Variants in TBCD observed in about 807,000 individuals in gnomAD.
TBCD encodes the protein tubulin folding cofactor D, also known as tubulin-specific chaperone D.
Under a neutral mutation model 169.3 loss-of-function variants are expected in TBCD, and 105 were observed. That is an observed-to-expected ratio of 0.62 (90% confidence interval 0.53 to 0.73). The LOEUF (loss-of-function observed/expected upper bound fraction) is 0.73, where lower values mean the gene tolerates loss of function less well. TBCD is among the 30% of genes least tolerant of loss of function. The pLI, the probability that TBCD is intolerant of heterozygous loss-of-function variation, is 0.00. For synonymous variants in TBCD, 700 were observed against 643.9 expected (o/e 1.09, Z -1.32); for missense variants, 1,444 against 1,600.1 (o/e 0.90, Z 1.66).
chr17:82,753,025 C>T (rs963703091), intron 1 of TBCD, among the ~76,000 whole-genome samples: 1 of 152,202 alleles, frequency 6.6e-6, no homozygotes, highest in Non-Finnish European at 1.5e-5. Flanking sequence ...TCTCCGAGTT[C>T]AGACCCACCT....
intron 38 of TBCD, chr17:82,941,976 T>C (rs2063335362): frequency 8.6e-6 from 2 of 233,512 alleles, no homozygotes; most frequent in South Asian, 7.4e-5. Flanking sequence ...TCTCTCTAGT[T>C]ACCAGGGTTG....
At chr17:82,910,395 T>C (rs997622757) in intron 22 of TBCD, among the ~76,000 whole-genome samples, 6 of 152,220 alleles carry the variant, frequency 3.9e-5, no homozygotes, top group Non-Finnish European at 5.9e-5. Flanking sequence ...CCTGGGTCTT[T>C]CGTGAAGTTT....
chr17:82,819,255 T>C (rs1025256813), intron 13 of TBCD, among the ~76,000 whole-genome samples: 1 of 152,214 alleles, frequency 6.6e-6, no homozygotes, highest in African/African-American at 2.4e-5. Context: ...GATGTTTGCC[T>C]GGAAGGCACC....
chr17:82,774,187 G>C (rs2144139027), intron 6 of TBCD, among the ~76,000 whole-genome samples: 2 of 152,268 alleles, frequency 1.3e-5, no homozygotes, highest in Middle Eastern at 6.8e-3. Flanking sequence ...CCTAGGCAGA[G>C]GACCCTGCGG....
At chr17:82,933,073 C>T (rs578153210) in intron 34 of TBCD, among the ~76,000 whole-genome samples, 3 of 152,008 alleles carry the variant, frequency 2.0e-5, no homozygotes, top group Non-Finnish European at 4.4e-5. Context: ...GAAGGGGCCT[C>T]GGCTGTACGG....
In TBCD at chr17:82,884,728, CT is replaced by C. The variant is rs146589394; in HGVS notation, c.1533+527del. 1,363 of 178,040 alleles carry C rather than the reference CT, an allele frequency of 7.7e-3. 15 individuals are homozygous for C. The highest frequency in any genetic ancestry group is 0.031 in the African/African-American group (1,316 of 42,884). 11.0% of individuals were successfully genotyped at this position (178,040 alleles called of 1,614,324 possible). A position where few individuals can be genotyped will look rare whatever the true frequency, so the allele number is the denominator to read the frequency against. On this transcript the variant is annotated intron_variant, in intron 15 of 38. Transcript: ENST00000355528. The surrounding 1 kb of genome is among the most constrained non-coding windows in gnomAD (Gnocchi z 4.2). ...TGGCTGGTTTCCTCTAGAGAGAGCC[CT>C]GTGACGTTTGGGGTGAATTCTGGGT...
Position 82,864,998 on chromosome 17 carries a change from G to A in TBCD, c.1319-5226G>A, listed in dbSNP as rs1203724365. On this transcript the variant is annotated intron_variant, in intron 13 of 38. Coordinates refer to ENST00000355528, the MANE Select transcript of TBCD (RefSeq NM_005993.5). The surrounding 1 kb of genome is among the most constrained non-coding windows in gnomAD (Gnocchi z 6.3). ...GTCTGTGCTTGCCCCACTGTGCAGC[G>A]TTGCAGGTGCAGCAGACATGAGGCC... Among the ~76,000 whole-genome samples the A allele has an allele frequency of 6.6e-6, 1 of 152,198 alleles. No individual in the cohort carries two copies. Among genetic ancestry groups the A allele is most frequent in the Non-Finnish European group, 1.5e-5 (1 of 68,030 alleles).
chr17:82,912,021 G>A (rs541498135), intron 23 of TBCD, among the ~76,000 whole-genome samples: 1 of 152,192 alleles, frequency 6.6e-6, no homozygotes, highest in Non-Finnish European at 1.5e-5. Context: ...GAGCTGGGAG[G>A]GGTTGCACCC....
At chr17:82,840,755 A>AC (rs150514287) in intron 13 of TBCD, among the ~76,000 whole-genome samples, 6,158 of 150,814 alleles carry the variant, frequency 0.041, 257 homozygotes, top group African/African-American at 0.1. Context: ...TTACCTCCAC[A>AC]CCCCCCCACC....
intron 15 of TBCD, among the ~76,000 whole-genome samples, chr17:82,887,348 G>A (rs999912209): frequency 2.0e-5 from 3 of 152,116 alleles, no homozygotes; most frequent in South Asian, 2.1e-4. Flanking sequence ...GCCACCGGTC[G>A]GCTCTCCGTT....
At chr17:82,764,156 T>C (rs1038872653) in intron 3 of TBCD, 94 bp downstream of exon 3, 1 of 997,348 alleles carries the variant, frequency 1.0e-6, no homozygotes. Flanking sequence ...TCAAGAAAGA[T>C]AGTTCTTAGA....
chr17:82,796,987 T>C (rs1450995537), intron 7 of TBCD, among the ~76,000 whole-genome samples: 2 of 152,218 alleles, frequency 1.3e-5, no homozygotes, highest in Non-Finnish European at 2.9e-5. Context: ...ACAGATGCAG[T>C]TCTCACCTTG....
At chr17:82,822,473 A>C (rs2052494361) in intron 13 of TBCD, among the ~76,000 whole-genome samples, 1 of 152,200 alleles carries the variant, frequency 6.6e-6, no homozygotes, top group African/African-American at 2.4e-5. Context: ...GCAGCATCTC[A>C]AAGAGGAACG....
intron 7 of TBCD, among the ~76,000 whole-genome samples, chr17:82,786,775 C>T (rs867269714): frequency 1.3e-4 from 20 of 151,346 alleles, no homozygotes; most frequent in Middle Eastern, 3.4e-3. Flanking sequence ...CTTGTGGCCA[C>T]ATGTGTCTAG....
intron 13 of TBCD, chr17:82,829,621 C>T (rs1405982829): frequency 6.2e-6 from 1 of 162,444 alleles, no homozygotes; most frequent in Non-Finnish European, 1.4e-5. Context: ...CAGTAATGCA[C>T]TTTCCCTAGT....
chr17:82,849,926 T>TGCTGCTG (rs1567886421), intron 13 of TBCD, among the ~76,000 whole-genome samples: 2 of 150,562 alleles, frequency 1.3e-5, no homozygotes, highest in African/African-American at 2.5e-5. Context: ...TTGTTGGCTG[T>TGCTGCTG]TTTGCTGTTG....
chr17:82,887,095 C>T (rs74000167), intron 15 of TBCD, among the ~76,000 whole-genome samples: 4,179 of 151,410 alleles, frequency 0.028, 203 homozygotes, highest in African/African-American at 0.095. Context: ...GCCAACCCAC[C>T]AGTCTTATTC....
chr17:82,867,788 A>G (rs536004164), intron 13 of TBCD, among the ~76,000 whole-genome samples: 1 of 152,236 alleles, frequency 6.6e-6, no homozygotes, highest in Non-Finnish European at 1.5e-5. Context: ...GACATTTACA[A>G]GAAGTGAGAG....
At position 82,941,460 on chromosome 17, in the gene TBCD, C is replaced by G; in HGVS notation, c.3541C>G (p.Pro1181Ala). 6.2e-7 allele frequency: 1 copy of G among 1,600,966 alleles called. No homozygotes were observed. The highest frequency in any genetic ancestry group is 8.5e-7 in the Non-Finnish European group (1 of 1,175,160). ...CCGTCTGTGTGACCTTCTGGGCGTA[C>G]CCAGGCCCCAGCTGGTGCCCCAGGT... ...RNRLCDLLGVPRPQLVPQPGA... is the reference protein window; with the variant it reads ...RNRLCDLLGVARPQLVPQPGA... The change falls in exon 38 of 39, where the codon CCC becomes GCC. Residue 1181 changes from proline (P) to alanine (A), a missense_variant. Transcript: ENST00000355528.
Sources: gnomAD v4.1 joint callset for allele counts (sites outside exome capture counted in the v4.1 genomes callset) on GRCh38, gnomAD v4.1.1 for gene constraint, Gnocchi (gnomAD v3.1) non-coding constraint, MANE v1.5 for transcripts, NCBI Gene and HGNC (gene_info 2026-07-23, HGNC 2026-07-21) for gene names.